Variants in EYA2 observed in about 807,000 individuals in gnomAD.
EYA2 encodes EYA transcriptional coactivator and phosphatase 2.
EYA2 carries 31 observed loss-of-function variants against 69.2 expected under a neutral mutation model. The ratio of observed to expected loss-of-function variants is 0.45; its 90% confidence interval spans 0.34 to 0.60. The LOEUF (loss-of-function observed/expected upper bound fraction) is 0.60, where lower values mean the gene tolerates loss of function less well. Among genes scored for constraint, EYA2 ranks in the 20% least tolerant of loss-of-function variants. The probability of loss-of-function intolerance (pLI) is 0.02; values close to 1 mark genes in which losing one functional copy is unlikely to be tolerated. For synonymous variants in EYA2, 257 were observed against 279.4 expected (o/e 0.92, Z 0.80); for missense variants, 622 against 701.2 (o/e 0.89, Z 1.28).
intron 1 of EYA2, among the ~76,000 whole-genome samples, chr20:46,971,161 G>A (rs1320070310): frequency 6.6e-6 from 1 of 152,170 alleles, no homozygotes; most frequent in East Asian, 1.9e-4. Context: ...AAGAGATGGT[G>A]AGTAGATAGA....
intron 9 of EYA2, among the ~76,000 whole-genome samples, chr20:47,141,548 G>C (rs2033597273): frequency 6.6e-6 from 1 of 152,206 alleles, no homozygotes; most frequent in Non-Finnish European, 1.5e-5. Flanking sequence ...GCATGCTGCA[G>C]TAACAAACAT....
At chr20:47,080,016 C>T (rs1370989383) in intron 7 of EYA2, among the ~76,000 whole-genome samples, 2 of 152,198 alleles carry the variant, frequency 1.3e-5, no homozygotes, top group Non-Finnish European at 2.9e-5. Context: ...ACACTCCACC[C>T]AACAGCAGCA....
intron 5 of EYA2, among the ~76,000 whole-genome samples, chr20:47,049,658 G>A (rs1427479179): frequency 1.3e-5 from 2 of 152,102 alleles, no homozygotes; most frequent in Non-Finnish European, 2.9e-5. Flanking sequence ...ATGAGTAAAA[G>A]CTCCCTGAGG....
chr20:46,995,674 C>A (rs1600621977), intron 2 of EYA2, among the ~76,000 whole-genome samples: 1 of 152,334 alleles, frequency 6.6e-6, no homozygotes, highest in South Asian at 2.1e-4. Flanking sequence ...ACTGGGGGAT[C>A]CCTTAGAAGC....
intron 7 of EYA2, among the ~76,000 whole-genome samples, chr20:47,083,813 A>G (rs1461257951): frequency 3.9e-5 from 6 of 152,246 alleles, no homozygotes; most frequent in Non-Finnish European, 8.8e-5. Context: ...ACAAATTTAA[A>G]ACTGTTCAGA....
chr20:47,165,706 T>C (rs1450324098), intron 10 of EYA2, among the ~76,000 whole-genome samples: 1 of 152,120 alleles, frequency 6.6e-6, no homozygotes, highest in Non-Finnish European at 1.5e-5. Flanking sequence ...GAAACAAGCC[T>C]CACCTTTCAT....
chr20:47,140,191 A>G (rs1413865926), intron 9 of EYA2, among the ~76,000 whole-genome samples: 1 of 152,158 alleles, frequency 6.6e-6, no homozygotes, highest in Non-Finnish European at 1.5e-5. Flanking sequence ...TTTGGATATG[A>G]GTAATGCAAA....
chr20:46,959,773 T>A (rs1487604432), intron 1 of EYA2, among the ~76,000 whole-genome samples: 2 of 152,164 alleles, frequency 1.3e-5, no homozygotes, highest in South Asian at 2.1e-4. Flanking sequence ...TGCACCTGGC[T>A]GGCCATCCAG....
intron 10 of EYA2, among the ~76,000 whole-genome samples, chr20:47,162,288 A>G (rs2034084136): frequency 6.6e-6 from 1 of 152,138 alleles, no homozygotes; most frequent in African/African-American, 2.4e-5. Context: ...AGTTCAACCC[A>G]TAACAGGCAT....
chr20:47,160,103 G>T (rs991175855), intron 10 of EYA2, among the ~76,000 whole-genome samples: 1 of 152,152 alleles, frequency 6.6e-6, no homozygotes, highest in Non-Finnish European at 1.5e-5. Flanking sequence ...GAGCAGGAGC[G>T]GGACGTGATC....
At chr20:46,943,055 C>T (rs758868182) in intron 1 of EYA2, among the ~76,000 whole-genome samples, 3 of 152,210 alleles carry the variant, frequency 2.0e-5, no homozygotes, top group Admixed American at 6.5e-5. Flanking sequence ...CGTGAGCCTG[C>T]GCTCCCGGCT....
intron 5 of EYA2, among the ~76,000 whole-genome samples, chr20:47,067,897 G>A (rs1046777120): frequency 6.6e-6 from 1 of 152,166 alleles, no homozygotes; most frequent in African/African-American, 2.4e-5. Flanking sequence ...TCTGGATATA[G>A]CATTCTGAGT....
chr20:46,910,589 A>G (rs866038273), intron 1 of EYA2, among the ~76,000 whole-genome samples: 1 of 152,198 alleles, frequency 6.6e-6, no homozygotes, highest in Admixed American at 6.5e-5. Flanking sequence ...CTAGGAGTAG[A>G]AGGGTTACCC....
intron 1 of EYA2, among the ~76,000 whole-genome samples, chr20:46,911,158 A>G (rs6066110): frequency 0.47 from 71,063 of 151,964 alleles, 17,060 homozygotes; most frequent in East Asian, 0.76. Flanking sequence ...TTTACAAAAA[A>G]GAGAAAGCAT....
At chr20:47,070,889 C>T (rs189687012) in intron 5 of EYA2, among the ~76,000 whole-genome samples, 13 of 152,226 alleles carry the variant, frequency 8.5e-5, no homozygotes, top group Admixed American at 3.9e-4. Flanking sequence ...TGCCGTGTTG[C>T]GCAGGCTGGA....
intron 11 of EYA2, among the ~76,000 whole-genome samples, chr20:47,169,640 TCAAA>T (rs1040153424): frequency 1.3e-5 from 2 of 152,202 alleles, no homozygotes; most frequent in African/African-American, 2.4e-5. Context: ...CAGAAAAAAT[TCAAA>T]CACTTAACCT....
chr20:46,999,164 A>AT (rs1982208313), intron 2 of EYA2, among the ~76,000 whole-genome samples: 1 of 152,196 alleles, frequency 6.6e-6, no homozygotes, highest in Non-Finnish European at 1.5e-5. Flanking sequence ...ATAGATTTAG[A>AT]TTTTTATGAA....
At chr20:46,931,596 G>T (rs1320761659) in intron 1 of EYA2, among the ~76,000 whole-genome samples, 1 of 152,182 alleles carries the variant, frequency 6.6e-6, no homozygotes, top group Non-Finnish European at 1.5e-5. Context: ...TAGAGACTCA[G>T]CATCAACAAA....
chr20:47,086,957 T>TA (rs1415600779), intron 7 of EYA2, among the ~76,000 whole-genome samples: 1 of 152,154 alleles, frequency 6.6e-6, no homozygotes, highest in African/African-American at 2.4e-5. Context: ...CCAGTAGCCT[T>TA]AAACTACCAA....
Sources: allele counts gnomAD v4.1 joint callset (sites outside exome capture counted in the v4.1 genomes callset), GRCh38; gene constraint gnomAD v4.1.1; transcripts MANE v1.5; gene names NCBI Gene and HGNC (gene_info 2026-07-23, HGNC 2026-07-21).